PLEKHH2: variants seen among roughly 807,000 people sequenced by gnomAD.
PLEKHH2 encodes the protein pleckstrin homology domain-containing family H member 2.
In PLEKHH2, 129 loss-of-function variants were observed where a neutral mutation model predicts 187.9. The observed-to-expected ratio is 0.69, with a 90% confidence interval of 0.59 to 0.79. The LOEUF (loss-of-function observed/expected upper bound fraction) is 0.79, where lower values mean the gene tolerates loss of function less well. Ranked by LOEUF, PLEKHH2 falls within the 30% of genes least tolerant of loss-of-function variation. The pLI is 0.00. For missense variants in PLEKHH2, 2,076 were observed against 1,751.2 expected, an observed-to-expected ratio of 1.19 and a Z score of -3.31; for synonymous variants, 686 against 605.6, an observed-to-expected ratio of 1.13 and a Z score of -1.95.
At chr2:43,669,254 A>G (rs1667381999) in intron 2 of PLEKHH2, among the ~76,000 whole-genome samples, 1 of 152,230 alleles carries the variant, frequency 6.6e-6, no homozygotes. Flanking sequence ...CTAGTAGCCA[A>G]TAAACATGGA....
chr2:43,747,203 TAC>T (rs1228991712), intron 24 of PLEKHH2, among the ~76,000 whole-genome samples: 1 of 151,660 alleles, frequency 6.6e-6, no homozygotes, highest in Non-Finnish European at 1.5e-5. Flanking sequence ...TTGTAATAAA[TAC>T]AGACAGACCC....
chr2:43,647,596 A>T (rs1294269639), intron 2 of PLEKHH2, among the ~76,000 whole-genome samples: 1 of 152,068 alleles, frequency 6.6e-6, no homozygotes, highest in Non-Finnish European at 1.5e-5. Context: ...TTTACCTAAC[A>T]TTATGTATTT....
At chr2:43,739,100 A>G (rs1290399382) in intron 20 of PLEKHH2, among the ~76,000 whole-genome samples, 2 of 152,214 alleles carry the variant, frequency 1.3e-5, no homozygotes, top group African/African-American at 4.8e-5. Flanking sequence ...CATGTTGGTC[A>G]GGCTGGCCTC....
chr2:43,693,431 C>G (rs989566475), intron 4 of PLEKHH2, among the ~76,000 whole-genome samples: 1 of 152,148 alleles, frequency 6.6e-6, no homozygotes, highest in Admixed American at 6.5e-5. Context: ...TTATTGGAAT[C>G]AAGTAATCTA....
chr2:43,677,246 AG>A (rs1454079808), intron 2 of PLEKHH2, among the ~76,000 whole-genome samples: 13 of 150,504 alleles, frequency 8.6e-5, no homozygotes, highest in Admixed American at 6.0e-4. Context: ...TTTCTCGCAG[AG>A]GGGGATTTGG....
chr2:43,715,396 G>T (rs72871632), intron 15 of PLEKHH2, among the ~76,000 whole-genome samples: 2,413 of 152,264 alleles, frequency 0.016, 69 homozygotes, highest in African/African-American at 0.055. Flanking sequence ...GTCTTTTTAA[G>T]GACTTTGGTC....
intron 2 of PLEKHH2, among the ~76,000 whole-genome samples, chr2:43,677,822 G>A (rs905059175): frequency 3.3e-5 from 5 of 149,462 alleles, no homozygotes; most frequent in Admixed American, 6.6e-5. Context: ...CTGGCTGGGC[G>A]GGGGGCTGAC....
chr2:43,726,879 G>A (rs1419730482), intron 17 of PLEKHH2, among the ~76,000 whole-genome samples: 2 of 151,996 alleles, frequency 1.3e-5, no homozygotes, highest in African/African-American at 4.8e-5. Context: ...AAATTAATGG[G>A]GAAGTAATAT....
chr2:43,637,933 T>C (rs1052548818), intron 1 of PLEKHH2, among the ~76,000 whole-genome samples: 1 of 152,240 alleles, frequency 6.6e-6, no homozygotes, highest in African/African-American at 2.4e-5. Flanking sequence ...AGTGGGGCAC[T>C]TTTTAAAGGA....
intron 6 of PLEKHH2, among the ~76,000 whole-genome samples, chr2:43,696,929 A>T (rs934148050): frequency 1.3e-5 from 2 of 152,182 alleles, no homozygotes; most frequent in South Asian, 4.1e-4. Flanking sequence ...AAGGGATTAG[A>T]TATTTTTCTT....
intron 19 of PLEKHH2, among the ~76,000 whole-genome samples, chr2:43,733,013 C>G (rs1352384633): frequency 2.0e-5 from 3 of 152,162 alleles, no homozygotes; most frequent in African/African-American, 7.2e-5. Flanking sequence ...AGAAACTTAC[C>G]TTCTATTTCA....
chr2:43,755,358 G>T (rs1012022944), intron 25 of PLEKHH2, among the ~76,000 whole-genome samples: 2 of 152,048 alleles, frequency 1.3e-5, no homozygotes, highest in Non-Finnish European at 2.9e-5. Flanking sequence ...TGAACTCTTA[G>T]GGATGTTTTA....
intron 2 of PLEKHH2, among the ~76,000 whole-genome samples, chr2:43,654,827 G>A (rs2104360054): frequency 6.6e-6 from 1 of 151,948 alleles, no homozygotes; most frequent in East Asian, 2.0e-4. Flanking sequence ...AGGAGTTCTA[G>A]ACCAGCCTGG....
intron 19 of PLEKHH2, among the ~76,000 whole-genome samples, chr2:43,732,856 C>T (rs138239715): frequency 1.8e-3 from 270 of 152,282 alleles, no homozygotes; most frequent in African/African-American, 6.2e-3. Context: ...CCAGTATAAC[C>T]AGATGTGCAA....
intron 3 of PLEKHH2, among the ~76,000 whole-genome samples, chr2:43,685,318 C>T (rs1422339670): frequency 1.3e-5 from 2 of 152,236 alleles, no homozygotes; most frequent in Non-Finnish European, 2.9e-5. Context: ...AATGGCATCA[C>T]TTCTGTAACA....
intron 27 of PLEKHH2, among the ~76,000 whole-genome samples, chr2:43,761,383 T>C (rs1214798158): frequency 2.0e-5 from 3 of 151,954 alleles, no homozygotes; most frequent in South Asian, 2.1e-4. Context: ...GCTTTTTTTT[T>C]CTATGAGAAC....
At chr2:43,646,167 A>C (rs887480981) in intron 2 of PLEKHH2, among the ~76,000 whole-genome samples, 1 of 152,214 alleles carries the variant, frequency 6.6e-6, no homozygotes, top group African/African-American at 2.4e-5. Flanking sequence ...ATATTACATC[A>C]AAATTATTAA....
intron 24 of PLEKHH2, among the ~76,000 whole-genome samples, chr2:43,746,698 C>G (rs1467631983): frequency 6.6e-6 from 1 of 152,130 alleles, no homozygotes; most frequent in Non-Finnish European, 1.5e-5. Context: ...TACTACAGAT[C>G]TGTAGTAAGA....
chr2:43,659,905 C>G (rs1021679784), intron 2 of PLEKHH2, among the ~76,000 whole-genome samples: 2 of 152,116 alleles, frequency 1.3e-5, no homozygotes, highest in African/African-American at 4.8e-5. Context: ...TAATTGAGTA[C>G]ATATGTAAAA....
Sources: gnomAD v4.1 joint callset for allele counts (sites outside exome capture counted in the v4.1 genomes callset) on GRCh38, gnomAD v4.1.1 for gene constraint, MANE v1.5 for transcripts, NCBI Gene and HGNC (gene_info 2026-07-23, HGNC 2026-07-21) for gene names.